EXD2: variants seen among roughly 807,000 people sequenced by gnomAD.
EXD2 encodes the protein exonuclease 3'-5' domain containing 2, also known as exonuclease 3'-5' domain-containing protein 2.
A neutral mutation model predicts 62.5 loss-of-function variants in EXD2; 40 were observed. The ratio of observed to expected loss-of-function variants is 0.64; its 90% CI spans 0.50 to 0.83. EXD2 has a LOEUF of 0.83. Among genes scored for constraint, EXD2 ranks in the 40% least tolerant of loss-of-function variants. The pLI is 0.00. For missense variants in EXD2, 671 were observed against 761.8 expected, an observed-to-expected ratio of 0.88 and a Z score of 1.40; for synonymous variants, 239 against 291.9, an observed-to-expected ratio of 0.82 and a Z score of 1.85.
chr14:69,214,956 C>A (rs933212445), intron 3 of EXD2, among the ~76,000 whole-genome samples: 2 of 151,766 alleles, frequency 1.3e-5, no homozygotes, highest in Non-Finnish European at 2.9e-5. Flanking sequence ...TTTTTCCATT[C>A]TATTATTGAT....
chr14:69,225,776 A>T (rs910934599), intron 3 of EXD2, among the ~76,000 whole-genome samples: 1 of 152,202 alleles, frequency 6.6e-6, no homozygotes, highest in Non-Finnish European at 1.5e-5. Flanking sequence ...TGAGAAATAG[A>T]GACTAGATAT....
intron 1 of EXD2, chr14:69,192,185 TCTG>T (rs2042052962): frequency 6.6e-6 from 1 of 152,162 alleles, no homozygotes; most frequent in South Asian, 2.1e-4. Context: ...AAAATTGACA[TCTG>T]CTCCTTAAAA....
chr14:69,237,568 G>A lies in EXD2; in HGVS notation c.1293-7G>A. On this transcript the variant is annotated splice_region_variant and splice_polypyrimidine_tract_variant and intron_variant, in intron 8 of 9. Transcript: ENST00000685843. ...TGAGCGCTGCTTTCCGGCTGGGCTT[G>A]TTCCAGGAAGAACGTGATTCCACAT... 8.7e-6 allele frequency: 14 copies of A among 1,613,960 alleles called. No individual in the cohort carries two copies. Among genetic ancestry groups the A allele is most frequent in the South Asian group, 5.5e-5 (5 of 91,090 alleles).
intron 1 of EXD2, among the ~76,000 whole-genome samples, chr14:69,199,862 A>G (rs1333876906): frequency 6.6e-6 from 1 of 152,178 alleles, no homozygotes; most frequent in Non-Finnish European, 1.5e-5. Context: ...GAAGGAGTAC[A>G]CCGTAAAATA....
intron 3 of EXD2, among the ~76,000 whole-genome samples, chr14:69,224,862 C>G (rs796713123): frequency 1.2e-4 from 18 of 152,150 alleles, no homozygotes; most frequent in African/African-American, 4.1e-4. Flanking sequence ...ACCTGAAGTC[C>G]CAGCTACTCA....
Position 69,230,506 on chromosome 14 carries a change from T to C in EXD2, c.625T>C (p.Ser209Pro). ...GCTCTGTAATGGGCTTAGCCTGAAG[T>C]CCCTCGCTGAGACTGTTTTGAACTT... ...NLLCNGLSLK[S>P]LAETVLNFPL... The change falls in exon 5 of 10, where the codon TCC becomes CCC. Residue 209 changes from serine (S) to proline (P), a missense_variant. Physicochemically the swap from Ser to Pro is moderately conservative, Grantham distance 74. Coordinates refer to ENST00000685843, the MANE Select transcript of EXD2 (RefSeq NM_001193360.2). 6.2e-7 allele frequency: 1 copy of C among 1,613,626 alleles called. No homozygotes were observed. Among genetic ancestry groups the C allele is most frequent in the South Asian group, 1.1e-5 (1 of 91,030 alleles).
intron 3 of EXD2, among the ~76,000 whole-genome samples, chr14:69,220,847 C>T (rs2043161656): frequency 1.3e-5 from 2 of 152,012 alleles, no homozygotes; most frequent in Non-Finnish European, 2.9e-5. Context: ...CCAGCCTGGT[C>T]AACAAGAGTG....
intron 1 of EXD2, among the ~76,000 whole-genome samples, chr14:69,193,825 TA>T (rs138072104): frequency 0.017 from 2,548 of 152,290 alleles, 63 homozygotes; most frequent in African/African-American, 0.054. Context: ...GCAATGTCTG[TA>T]AACATTTTTT....
chr14:69,228,906 A>G lies in EXD2; in HGVS notation c.424A>G (p.Ile142Val), dbSNP rs1489721081. 1.2e-6 allele frequency: 2 copies of G among 1,614,126 alleles called. No individual in the cohort carries two copies. The highest frequency in any genetic ancestry group is 1.7e-5 in the Admixed American group (1 of 60,012). Residue 142 changes from isoleucine to valine, a missense_variant, in exon 4 of 10, where the codon ATC (isoleucine) becomes GTC (valine). By Grantham distance (29) the Ile-to-Val change is conservative. Coordinates refer to ENST00000685843, the MANE Select transcript of EXD2 (RefSeq NM_001193360.2). Reference protein sequence around the residue: ...LCVLVRLPKLICGGKTLPRTL... With the variant: ...LCVLVRLPKLVCGGKTLPRTL... ...TGTCTTGGTTCGCCTGCCCAAGCTA[A>G]TCTGTGGAGGAAAAACACTACCAAG...
At chr14:69,229,766 T>C (rs2043502562) in intron 4 of EXD2, among the ~76,000 whole-genome samples, 1 of 152,174 alleles carries the variant, frequency 6.6e-6, no homozygotes, top group Non-Finnish European at 1.5e-5. Flanking sequence ...TCCTCATTTA[T>C]AACAACGTGG....
intron 5 of EXD2, among the ~76,000 whole-genome samples, chr14:69,231,023 G>C (rs569051360): frequency 6.6e-6 from 1 of 152,236 alleles, no homozygotes; most frequent in African/African-American, 2.4e-5. Flanking sequence ...GACCTCAAGT[G>C]ATCCACCCAC....
intron 1 of EXD2, among the ~76,000 whole-genome samples, chr14:69,192,262 A>G (rs1460440994): frequency 2.0e-5 from 3 of 151,944 alleles, no homozygotes; most frequent in Admixed American, 6.6e-5. Context: ...TCCTTTATAT[A>G]CCCTCTCCTC....
chr14:69,241,299 G>C lies in EXD2; in HGVS notation c.*199G>C. 7.4e-6 allele frequency: 4 copies of C among 539,618 alleles called. No individual in the cohort carries two copies. The highest frequency in any genetic ancestry group is 4.8e-4 in the Middle Eastern group (1 of 2,070). 33.4% of individuals were successfully genotyped at this position (539,618 alleles called of 1,614,324 possible). On this transcript the variant is annotated 3_prime_UTR_variant, in exon 10 of 10. Coordinates refer to ENST00000685843, the MANE Select transcript of EXD2 (RefSeq NM_001193360.2). ...GAGTTTATGGTTTTGGATTTTAAACGGGCAGGGTCTTTTTTCCTCTCATTT... is the reference window on the plus strand; with the variant it reads ...GAGTTTATGGTTTTGGATTTTAAACCGGCAGGGTCTTTTTTCCTCTCATTT...
intron 3 of EXD2, among the ~76,000 whole-genome samples, chr14:69,215,787 G>A (rs571865548): frequency 2.0e-4 from 30 of 150,040 alleles, no homozygotes; most frequent in Non-Finnish European, 3.4e-4. Context: ...CCTCTTTTAT[G>A]CAGTGTCCAT....
intron 1 of EXD2, among the ~76,000 whole-genome samples, chr14:69,195,675 A>G (rs574767887): frequency 9.2e-5 from 14 of 152,250 alleles, no homozygotes; most frequent in African/African-American, 3.4e-4. Context: ...GTCAGTCCCT[A>G]TCCCTGACTC....
chr14:69,221,909 T>TAAAAAAA (rs60647735), intron 3 of EXD2, among the ~76,000 whole-genome samples: 23 of 52,056 alleles, frequency 4.4e-4, no homozygotes, highest in East Asian at 8.3e-4. Flanking sequence ...CTGTCTCTAC[T>TAAAAAAA]AAAAAAAAAA....
At chr14:69,206,673 G>A (rs1257994038) in intron 2 of EXD2, among the ~76,000 whole-genome samples, 1 of 150,676 alleles carries the variant, frequency 6.6e-6, no homozygotes, top group African/African-American at 2.5e-5. Flanking sequence ...GTGTAGATGG[G>A]GTTTCACCAT....
intron 9 of EXD2, 64 bp downstream of exon 9, chr14:69,237,995 C>A: frequency 7.0e-7 from 1 of 1,431,972 alleles, no homozygotes; most frequent in Non-Finnish European, 9.5e-7. Context: ...AGTGAGAATG[C>A]TTGCCAGGGA....
intron 2 of EXD2, among the ~76,000 whole-genome samples, chr14:69,207,476 G>A (rs1047068616): frequency 2.0e-5 from 3 of 151,940 alleles, no homozygotes; most frequent in Non-Finnish European, 2.9e-5. Flanking sequence ...TCTGGGCGAC[G>A]GCGAGAGACT....
Sources: allele counts gnomAD v4.1 joint callset (sites outside exome capture counted in the v4.1 genomes callset), GRCh38; gene constraint gnomAD v4.1.1; transcripts MANE v1.5; gene names NCBI Gene and HGNC (gene_info 2026-07-23, HGNC 2026-07-21).